Variants in COL27A1 observed in about 807,000 individuals in gnomAD.
COL27A1 encodes collagen type XXVII alpha 1 chain.
COL27A1 carries 106 observed loss-of-function variants against 251.3 expected under a neutral mutation model. The ratio of observed to expected loss-of-function variants is 0.42; its 90% confidence interval spans 0.36 to 0.50. COL27A1 has a LOEUF of 0.50. COL27A1 is among the 20% of genes least tolerant of loss of function. The pLI is 0.00. For synonymous variants in COL27A1, 1,000 were observed against 986.3 expected, an observed-to-expected ratio of 1.01 and a Z score of -0.26; for missense variants, 2,325 against 2,522.8, an observed-to-expected ratio of 0.92 and a Z score of 1.68.
rs552013873 is a variant in COL27A1 at position 114,290,326 on chromosome 9, C to T, written c.4363C>T (p.Gln1455Ter). ...TCCTGGCAGGGACGGGCAAGCAGGA[C>T]AGCAGGTGAGCGGGAATTGGCATTA... ...GLPGRDGQAG[Q>*]QGEQGDDGDP... The change falls in exon 47 of 61, where the codon CAG becomes TAG. Residue 1455 changes from glutamine (Q) to a stop codon, truncating the protein, a stop_gained. Transcript: ENST00000356083. LOFTEE classifies it high-confidence loss of function. This position sits in a 1 kb window ranked among gnomAD's most constrained non-coding sequence, Gnocchi z 4.6. 1 of 1,575,482 alleles carries T rather than the reference C, an allele frequency of 6.3e-7. No homozygotes were observed. The highest frequency in any genetic ancestry group is 1.3e-5 in the African/African-American group (1 of 74,538).
At chr9:114,267,702 G>A (rs1372168495) in intron 34 of COL27A1, 145 bp downstream of exon 34, 15 of 783,024 alleles carry the variant, frequency 1.9e-5, no homozygotes, top group Non-Finnish European at 2.7e-5. Context: ...AGTGGGGCCT[G>A]GTTAGGGCCA....
At chr9:114,166,780 C>G (rs1326655851) in intron 2 of COL27A1, among the ~76,000 whole-genome samples, 1 of 152,232 alleles carries the variant, frequency 6.6e-6, no homozygotes, top group East Asian at 1.9e-4. Flanking sequence ...TGGAAGCCCT[C>G]CTTTTCTTTT....
intron 55 of COL27A1, 23 bp downstream of exon 55, chr9:114,301,740 C>A: frequency 1.9e-6 from 3 of 1,609,898 alleles, no homozygotes; most frequent in South Asian, 2.2e-5. Context: ...GTGCTGGGTG[C>A]ATCTTGGACT....
chr9:114,253,389 AAAG>A lies in COL27A1; in HGVS notation c.3141+460_3141+462del, dbSNP rs1039981972. On this transcript the variant is annotated intron_variant, in intron 27 of 60. Transcript: ENST00000356083. ...AAGAAAGACGAAAGAAAGAAAGAAAAAAGAAAGAGGAAAAAAGACAGAAAGAAG... is the reference window on the plus strand; with the variant it reads ...AAGAAAGACGAAAGAAAGAAAGAAAAAAAGAGGAAAAAAGACAGAAAGAAG... Among the ~76,000 whole-genome samples the A allele has an allele frequency of 1.4e-3, 170 of 121,234 alleles. 1 individual carries two copies. The highest frequency in any genetic ancestry group is 5.2e-3 in the Admixed American group (69 of 13,244). The allele number at this position is 121,234 out of a possible 152,430, so 79.5% of individuals were successfully genotyped here.
intron 34 of COL27A1, 37 bp from the exon 35 acceptor site, chr9:114,269,204 T>C: frequency 6.5e-7 from 1 of 1,536,480 alleles, no homozygotes; most frequent in Non-Finnish European, 8.9e-7. Flanking sequence ...GGGCTGGCCC[T>C]ACCCACCCGC....
intron 14 of COL27A1, among the ~76,000 whole-genome samples, chr9:114,223,320 C>T (rs73562583): frequency 0.013 from 2,054 of 152,314 alleles, 52 homozygotes; most frequent in African/African-American, 0.047. Flanking sequence ...ACCACTCCAG[C>T]AACTGTACTG....
intron 45 of COL27A1, among the ~76,000 whole-genome samples, chr9:114,289,664 C>T (rs1052620425): frequency 6.6e-6 from 1 of 152,142 alleles, no homozygotes; most frequent in Non-Finnish European, 1.5e-5. Flanking sequence ...CCACTTCCTG[C>T]CTCTGCCCCA....
intron 36 of COL27A1, among the ~76,000 whole-genome samples, chr9:114,275,068 T>G (rs958368347): frequency 7.1e-6 from 1 of 140,316 alleles, no homozygotes; most frequent in African/African-American, 2.6e-5. Flanking sequence ...GCTCAAGCTC[T>G]CTTGTAGCAA....
chr9:114,175,567 C>T (rs1383734626), intron 3 of COL27A1, among the ~76,000 whole-genome samples: 2 of 152,302 alleles, frequency 1.3e-5, no homozygotes, highest in South Asian at 2.1e-4. Flanking sequence ...AAGCTGGGGC[C>T]GCCCCGTCAA....
intron 23 of COL27A1, among the ~76,000 whole-genome samples, chr9:114,244,247 A>G (rs1832960177): frequency 6.6e-6 from 1 of 152,086 alleles, no homozygotes; most frequent in Non-Finnish European, 1.5e-5. Context: ...CTGTTTCTTT[A>G]CGCACAGAGC....
At chr9:114,247,237 G>A (rs1833203390) in intron 24 of COL27A1, among the ~76,000 whole-genome samples, 1 of 152,172 alleles carries the variant, frequency 6.6e-6, no homozygotes, top group African/African-American at 2.4e-5. Context: ...CAATTTTGAA[G>A]TAATGCCAAG....
Position 114,275,680 on chromosome 9 carries a change from G to A in COL27A1, c.3629G>A (p.Gly1210Glu). The A allele has an allele frequency of 6.5e-7, 1 of 1,550,044 alleles. No homozygotes were observed. Among genetic ancestry groups the A allele is most frequent in the Non-Finnish European group, 8.7e-7 (1 of 1,146,722 alleles). Residue 1210 changes from glycine to glutamate, a missense_variant, in exon 37 of 61, where the codon GGG (glycine) becomes GAG (glutamate). Physicochemically the swap from Gly to Glu is moderately conservative, Grantham distance 98 (BLOSUM62 -2). Transcript: ENST00000356083. The stretch of plus-strand genomic sequence containing the variant: ...ACCCAGGGGGACAGGGGAGACCCAG[G>A]GCCTGATGGAGAACATGGCGAGAAA... Reference protein sequence around the residue: ...DGLKGDRGDPGPDGEHGEKGQ... With the variant: ...DGLKGDRGDPEPDGEHGEKGQ...
chr9:114,277,841 G>C (rs1835604726), intron 37 of COL27A1, among the ~76,000 whole-genome samples: 1 of 152,174 alleles, frequency 6.6e-6, no homozygotes, highest in Non-Finnish European at 1.5e-5. Context: ...AGATTACTTT[G>C]AGCTCCAGCG....
chr9:114,297,551 A>G (rs903641255), intron 49 of COL27A1, among the ~76,000 whole-genome samples: 6 of 152,242 alleles, frequency 3.9e-5, no homozygotes, highest in African/African-American at 1.2e-4. Context: ...GTAATACACC[A>G]TATTAATAAA....
At chr9:114,296,640 T>C (rs374839216) in intron 49 of COL27A1, among the ~76,000 whole-genome samples, 1 of 152,208 alleles carries the variant, frequency 6.6e-6, no homozygotes, top group African/African-American at 2.4e-5. Context: ...ATGGAATCAG[T>C]TGGGCAGCTT....
Position 114,282,440 on chromosome 9 carries a change from C to T in COL27A1, c.3772-17C>T. 1 of 1,608,552 alleles carries T rather than the reference C, an allele frequency of 6.2e-7. No homozygotes were observed. Among genetic ancestry groups the T allele is most frequent in the Non-Finnish European group, 8.5e-7 (1 of 1,176,922 alleles). ...CCTGTTGGGCCTGGTGACAGCTTGT[C>T]TTTCCTCCTGTTGCAGGGTGCCAAG... On this transcript the variant is annotated splice_polypyrimidine_tract_variant and intron_variant, in intron 38 of 60. Coordinates refer to ENST00000356083, the MANE Select transcript of COL27A1 (RefSeq NM_032888.4).
At chr9:114,187,227 C>T (rs1828417368) in intron 5 of COL27A1, among the ~76,000 whole-genome samples, 1 of 152,176 alleles carries the variant, frequency 6.6e-6, no homozygotes, top group South Asian at 2.1e-4. Context: ...ATGGAGTATG[C>T]AGGGGGCTTC....
chr9:114,205,257 C>T, intron 8 of COL27A1, 111 bp downstream of exon 8: 2 of 993,776 alleles, frequency 2.0e-6, no homozygotes, highest in Admixed American at 4.6e-5. Flanking sequence ...CAGAGCCAGG[C>T]TGTTTTGCCT....
At chr9:114,171,154 A>G (rs1476786987) in intron 3 of COL27A1, among the ~76,000 whole-genome samples, 1 of 152,176 alleles carries the variant, frequency 6.6e-6, no homozygotes, top group African/African-American at 2.4e-5. Context: ...TCTTTGAAAA[A>G]GAGGAGGCAC....
Sources: allele counts gnomAD v4.1 joint callset (sites outside exome capture counted in the v4.1 genomes callset), GRCh38; gene constraint gnomAD v4.1.1; non-coding constraint Gnocchi (gnomAD v3.1); transcripts MANE v1.5; gene names NCBI Gene and HGNC (gene_info 2026-07-23, HGNC 2026-07-21).